The following RGS5 variants were observed in gnomAD, a reference collection of about 807,000 sequenced individuals.
The protein encoded by RGS5 is regulator of G protein signaling 5.
Under a neutral mutation model 18.9 loss-of-function variants are expected in RGS5, and 20 were observed. The observed-to-expected ratio is 1.06, with a 90% CI of 0.74 to 1.54. The LOEUF (loss-of-function observed/expected upper bound fraction) is 1.54, where lower values mean the gene tolerates loss of function less well. RGS5 is among the 40% of genes most tolerant of loss of function. The pLI, the probability that RGS5 is intolerant of heterozygous loss-of-function variation, is 0.00. For synonymous variants in RGS5, 57 were observed against 76.2 expected (o/e 0.75, Z 1.31); for missense variants, 201 against 211.8 (o/e 0.95, Z 0.32).
chr1:163,180,667 G>A (rs1294702743), intron 1 of RGS5, among the ~76,000 whole-genome samples: 4 of 110,262 alleles, frequency 3.6e-5, no homozygotes, highest in Non-Finnish European at 5.7e-5. Flanking sequence ...CTGCCCCTTT[G>A]TAATAAAGCC....
At chr1:163,311,916 G>T (rs1649874472) in intron 1 of RGS5, among the ~76,000 whole-genome samples, 1 of 152,204 alleles carries the variant, frequency 6.6e-6, no homozygotes, top group African/African-American at 2.4e-5. Flanking sequence ...TGTCAAAAAT[G>T]CAGTATCTGC....
chr1:163,174,583 G>C (rs928616586), intron 1 of RGS5, among the ~76,000 whole-genome samples: 5 of 152,198 alleles, frequency 3.3e-5, no homozygotes, highest in African/African-American at 1.2e-4. Context: ...TATAAAGTAA[G>C]TGAATTCAAT....
At chr1:163,281,789 G>C (rs1278697165) in intron 2 of RGS5, among the ~76,000 whole-genome samples, 1 of 152,112 alleles carries the variant, frequency 6.6e-6, no homozygotes, top group Non-Finnish European at 1.5e-5. Flanking sequence ...ACTTATTTTG[G>C]ACAAAGGTAT....
intron 2 of RGS5, among the ~76,000 whole-genome samples, chr1:163,290,474 C>G (rs1204952778): frequency 6.6e-6 from 1 of 152,072 alleles, no homozygotes; most frequent in African/African-American, 2.4e-5. Context: ...GTTTACTAAG[C>G]CATCTCAGTG....
intron 1 of RGS5, among the ~76,000 whole-genome samples, chr1:163,319,939 T>C (rs1471774990): frequency 6.6e-6 from 1 of 152,200 alleles, no homozygotes; most frequent in Non-Finnish European, 1.5e-5. Context: ...ACTAAAAGTT[T>C]TAAAAAGTCA....
At chr1:163,198,432 T>C (rs1659653891) in intron 1 of RGS5, among the ~76,000 whole-genome samples, 1 of 152,162 alleles carries the variant, frequency 6.6e-6, no homozygotes, top group African/African-American at 2.4e-5. Context: ...CTTTATATTA[T>C]GATGATATTT....
chr1:163,228,842 T>C (rs906652315), intron 2 of RGS5, among the ~76,000 whole-genome samples: 1 of 152,194 alleles, frequency 6.6e-6, no homozygotes, highest in Non-Finnish European at 1.5e-5. Context: ...ACCAGTCTCT[T>C]TGCTAAAGCA....
intron 1 of RGS5, among the ~76,000 whole-genome samples, chr1:163,198,212 A>T (rs1185860839): frequency 6.6e-6 from 1 of 152,188 alleles, no homozygotes; most frequent in Admixed American, 6.5e-5. Context: ...AAATGTTTGA[A>T]AATTACCTTT....
At chr1:163,302,946 T>C (rs958042828) in intron 2 of RGS5, among the ~76,000 whole-genome samples, 8 of 152,206 alleles carry the variant, frequency 5.3e-5, no homozygotes, top group African/African-American at 1.4e-4. Flanking sequence ...CTTTGTAATA[T>C]CATTATTAAT....
intron 1 of RGS5, among the ~76,000 whole-genome samples, chr1:163,180,696 T>G (rs1023307160): frequency 1.6e-5 from 2 of 125,334 alleles, no homozygotes; most frequent in East Asian, 2.2e-4. Context: ...GTTTTTTTTT[T>G]TTTTTTTTTT....
At chr1:163,239,666 C>CT (rs1212723431) in intron 2 of RGS5, among the ~76,000 whole-genome samples, 1 of 152,056 alleles carries the variant, frequency 6.6e-6, no homozygotes, top group Non-Finnish European at 1.5e-5. Flanking sequence ...TAAAGGACCT[C>CT]TTAAAGATAA....
intron 4 of RGS5, among the ~76,000 whole-genome samples, chr1:163,151,974 T>A (rs1657392862): frequency 6.6e-6 from 1 of 152,156 alleles, no homozygotes; most frequent in Non-Finnish European, 1.5e-5. Context: ...CATATATACC[T>A]ATACATATAA....
intron 2 of RGS5, among the ~76,000 whole-genome samples, chr1:163,303,113 G>GA (rs1649593920): frequency 6.6e-6 from 1 of 152,050 alleles, no homozygotes; most frequent in Non-Finnish European, 1.5e-5. Context: ...TTCAAATGGA[G>GA]AAAAAATAAT....
intron 2 of RGS5, among the ~76,000 whole-genome samples, chr1:163,265,004 G>T (rs1036456603): frequency 6.6e-6 from 1 of 152,100 alleles, no homozygotes; most frequent in Non-Finnish European, 1.5e-5. Flanking sequence ...GCTGAGCATT[G>T]CAAAAGCATA....
intron 2 of RGS5, chr1:163,306,216 G>A (rs760736051): frequency 1.6e-4 from 24 of 152,174 alleles, no homozygotes; most frequent in Admixed American, 5.2e-4. Context: ...TCTATGTGCT[G>A]TTGACTGAAA....
intron 2 of RGS5, among the ~76,000 whole-genome samples, chr1:163,243,662 A>AAAC (rs1647857769): frequency 6.6e-6 from 1 of 151,174 alleles, no homozygotes. Flanking sequence ...AAAAAAAAAA[A>AAAC]AAACCTAGAT....
intron 1 of RGS5, chr1:163,211,583 A>G (rs890224295): frequency 6.6e-6 from 1 of 152,080 alleles, no homozygotes; most frequent in Non-Finnish European, 1.5e-5. Context: ...GTTTTGATAG[A>G]ATTTTCTCTG....
chr1:163,191,156 CA>C (rs1178020774), intron 1 of RGS5, among the ~76,000 whole-genome samples: 5 of 152,148 alleles, frequency 3.3e-5, no homozygotes, highest in African/African-American at 1.2e-4. Context: ...TGTTTGTCAG[CA>C]AAAGAGACAG....
chr1:163,262,151 CT>C (rs532698783), intron 2 of RGS5, among the ~76,000 whole-genome samples: 4,559 of 121,066 alleles, frequency 0.038, 126 homozygotes, highest in Admixed American at 0.089. Context: ...AGTTTTGAAA[CT>C]TTTTTTTTTT....
Sources: gnomAD v4.1 joint callset for allele counts (sites outside exome capture counted in the v4.1 genomes callset) on GRCh38, gnomAD v4.1.1 for gene constraint, MANE v1.5 for transcripts, NCBI Gene and HGNC (gene_info 2026-07-23, HGNC 2026-07-21) for gene names.